IGSF11: variants seen among roughly 807,000 people sequenced by gnomAD.
IGSF11 encodes CXADR like 1.
IGSF11 carries 22 observed loss-of-function variants against 41.0 expected under a neutral mutation model. That is an observed-to-expected ratio of 0.54 (90% CI 0.38 to 0.77). The LOEUF is 0.77. Ranked by LOEUF, IGSF11 falls within the 30% of genes least tolerant of loss-of-function variation. The probability of loss-of-function intolerance (pLI) is 0.00; values close to 1 mark genes in which losing one functional copy is unlikely to be tolerated. For synonymous variants in IGSF11, 219 were observed against 201.3 expected, an observed-to-expected ratio of 1.09 and a Z score of -0.74; for missense variants, 444 against 530.8, an observed-to-expected ratio of 0.84 and a Z score of 1.61.
intron 4 of IGSF11, among the ~76,000 whole-genome samples, chr3:118,914,816 CAA>C (rs1477266087): frequency 2.4e-5 from 3 of 124,178 alleles, no homozygotes; most frequent in Non-Finnish European, 5.0e-5. Flanking sequence ...CACAGACAAA[CAA>C]AAAGACAGCA....
intron 1 of IGSF11, among the ~76,000 whole-genome samples, chr3:118,995,092 CCTT>C (rs764965583): frequency 2.0e-5 from 3 of 152,246 alleles, no homozygotes; most frequent in South Asian, 4.1e-4. Flanking sequence ...AAATTTCAAA[CCTT>C]CTCCTAAGGC....
chr3:118,978,647 C>T (rs1356246370), intron 1 of IGSF11, among the ~76,000 whole-genome samples: 10 of 152,146 alleles, frequency 6.6e-5, no homozygotes, highest in African/African-American at 1.9e-4. Flanking sequence ...TACCCTAAGC[C>T]GCCAAGAAAA....
chr3:118,963,730 T>C (rs572907218), intron 1 of IGSF11, among the ~76,000 whole-genome samples: 1 of 152,338 alleles, frequency 6.6e-6, no homozygotes, highest in Admixed American at 6.5e-5. Flanking sequence ...AGAATTATAT[T>C]TCTATTTATC....
rs529484844 is a variant in IGSF11 at position 119,004,653 on chromosome 3, G to C, written c.52+29878C>G. Among the ~76,000 whole-genome samples the C allele has an allele frequency of 9.5e-5, 14 of 147,792 alleles. No individual in the cohort carries two copies. In the South Asian group the frequency reaches 1.2e-3, roughly 12 times the overall value. On this transcript the variant is annotated intron_variant, in intron 1 of 6. Coordinates refer to ENST00000393775, the MANE Select transcript of IGSF11 (RefSeq NM_001015887.3). The stretch of plus-strand genomic sequence containing the variant: ...CTTTGAATGTGTCCCAGAGATTCTG[G>C]TATGTTGTGTCTTTGTTCTCGTTGG...
At chr3:119,112,313 C>T (rs1042716874) in intron 1 of IGSF11, among the ~76,000 whole-genome samples, 6 of 152,146 alleles carry the variant, frequency 3.9e-5, no homozygotes, top group Non-Finnish European at 1.5e-5. Flanking sequence ...CGCCCCTCCC[C>T]CAGCCTCTCT....
chr3:119,137,740 C>T (rs1289578188), intron 1 of IGSF11, among the ~76,000 whole-genome samples: 1 of 152,050 alleles, frequency 6.6e-6, no homozygotes, highest in African/African-American at 2.4e-5. Context: ...AAAGCTTTTG[C>T]ACAGCCAAAG....
At chr3:119,055,026 C>A (rs532862684) in intron 1 of IGSF11, among the ~76,000 whole-genome samples, 2 of 152,274 alleles carry the variant, frequency 1.3e-5, no homozygotes, top group South Asian at 4.1e-4. Context: ...TCACCAATAT[C>A]CGTTGTTCTG....
chr3:118,927,324 T>G (rs1056707220), intron 3 of IGSF11, among the ~76,000 whole-genome samples: 8 of 152,068 alleles, frequency 5.3e-5, no homozygotes, highest in Non-Finnish European at 1.2e-4. Context: ...AGAAGTTAAG[T>G]CTGGACAAAC....
In IGSF11 at chr3:118,901,703, T is replaced by TTA. The variant is rs1938875951; in HGVS notation, c.*815_*816dup. 6.6e-6 allele frequency: 1 copy of TTA among 151,744 alleles called. No homozygotes were observed. Among genetic ancestry groups the TTA allele is most frequent in the Non-Finnish European group, 1.5e-5 (1 of 67,978 alleles). 9.4% of individuals were successfully genotyped at this position (151,744 alleles called of 1,614,324 possible). A position where few individuals can be genotyped will look rare whatever the true frequency, so the allele number is the denominator to read the frequency against. On this transcript the variant is annotated 3_prime_UTR_variant, in exon 7 of 7. Transcript: ENST00000393775. ...CTAAATACAACCATTGAACAAGGTA[T>TTA]TATACAACAGTCTTTTCTTTCTTAG...
At chr3:118,948,562 G>C (rs1003603983) in intron 1 of IGSF11, among the ~76,000 whole-genome samples, 2 of 152,116 alleles carry the variant, frequency 1.3e-5, no homozygotes, top group African/African-American at 2.4e-5. Flanking sequence ...CAATGAGGAG[G>C]ATTAGTGTTG....
intron 1 of IGSF11, among the ~76,000 whole-genome samples, chr3:118,972,090 A>G (rs951083674): frequency 6.6e-6 from 1 of 152,242 alleles, no homozygotes; most frequent in Non-Finnish European, 1.5e-5. Context: ...TCCTAAGAAC[A>G]GAAAGGAAGA....
At chr3:118,906,723 T>A (rs577893092) in intron 4 of IGSF11, among the ~76,000 whole-genome samples, 10 of 152,348 alleles carry the variant, frequency 6.6e-5, no homozygotes, top group African/African-American at 2.4e-4. Context: ...AGTTTGATTA[T>A]TTATTCCTAT....
At chr3:118,949,584 T>C (rs1944425217) in intron 1 of IGSF11, among the ~76,000 whole-genome samples, 2 of 152,204 alleles carry the variant, frequency 1.3e-5, no homozygotes, top group South Asian at 4.1e-4. Flanking sequence ...CTGAGATCTG[T>C]TATCTTTCCT....
At chr3:118,917,767 A>C (rs1941316108) in intron 4 of IGSF11, among the ~76,000 whole-genome samples, 1 of 151,054 alleles carries the variant, frequency 6.6e-6, no homozygotes, top group South Asian at 2.1e-4. Flanking sequence ...TGAGGCCAAC[A>C]TCATTCTGAT....
At chr3:119,039,920 C>A (rs892166149) in intron 1 of IGSF11, among the ~76,000 whole-genome samples, 3 of 152,166 alleles carry the variant, frequency 2.0e-5, no homozygotes, top group Non-Finnish European at 4.4e-5. Context: ...TCCAACCTGT[C>A]CTTTTTCATT....
At chr3:119,115,338 G>A (rs1406950022) in intron 1 of IGSF11, among the ~76,000 whole-genome samples, 2 of 152,162 alleles carry the variant, frequency 1.3e-5, no homozygotes, top group East Asian at 1.9e-4. Flanking sequence ...TTTCTCCATA[G>A]TGGGTGTACT....
At chr3:119,009,109 C>A (rs1937772539) in intron 1 of IGSF11, among the ~76,000 whole-genome samples, 1 of 152,060 alleles carries the variant, frequency 6.6e-6, no homozygotes, top group South Asian at 2.1e-4. Flanking sequence ...CTTAATACAC[C>A]ATCTGAGCAT....
chr3:118,931,865 T>C (rs1942882350), intron 1 of IGSF11, among the ~76,000 whole-genome samples: 1 of 151,922 alleles, frequency 6.6e-6, no homozygotes, highest in Non-Finnish European at 1.5e-5. Flanking sequence ...CCCAAGTAGA[T>C]GGGACTACAG....
intron 1 of IGSF11, among the ~76,000 whole-genome samples, chr3:119,102,428 T>G (rs1490997824): frequency 2.0e-5 from 3 of 152,204 alleles, no homozygotes; most frequent in African/African-American, 7.2e-5. Flanking sequence ...TACATGAAAT[T>G]AGACTGTTTT....
Sources: allele counts gnomAD v4.1 joint callset (sites outside exome capture counted in the v4.1 genomes callset), GRCh38; gene constraint gnomAD v4.1.1; transcripts MANE v1.5; gene names NCBI Gene and HGNC (gene_info 2026-07-23, HGNC 2026-07-21).